The following TMEM179 variants were observed in gnomAD, a reference collection of about 807,000 sequenced individuals.
The protein encoded by TMEM179 is transmembrane protein 179A.
Under a neutral mutation model 22.2 loss-of-function variants are expected in TMEM179, and 17 were observed. That is an observed-to-expected ratio of 0.77 (90% CI 0.52 to 1.15). TMEM179 has a LOEUF of 1.15. Among genes scored for constraint, TMEM179 ranks in the 50% most tolerant of loss-of-function variants. The pLI is 0.00. For synonymous variants in TMEM179, 127 were observed against 140.5 expected, an observed-to-expected ratio of 0.90 and a Z score of 0.68; for missense variants, 265 against 313.6, an observed-to-expected ratio of 0.84 and a Z score of 1.17.
chr14:104,604,539 G>A lies in TMEM179; in HGVS notation c.203C>T (p.Pro68Leu). The change falls in exon 1 of 4, where the codon CCG becomes CTG. Residue 68 changes from proline (P) to leucine (L), a missense_variant. Transcript: ENST00000556573. The surrounding 1 kb of genome is among the most constrained non-coding windows in gnomAD (Gnocchi z 4.6). Reference protein sequence around the residue: ...ERFTVQEWGPPAACRFSLLAS... With the variant: ...ERFTVQEWGPLAACRFSLLAS... Reference sequence around the variant, plus strand: ...GAGCAGGCTGAAGCGGCAGGCGGCCGGCGGGCCCCACTCCTGCACCGTGAA... The same window carrying A: ...GAGCAGGCTGAAGCGGCAGGCGGCCAGCGGGCCCCACTCCTGCACCGTGAA... The A allele has an allele frequency of 1.9e-6, 3 of 1,538,700 alleles. No homozygotes were observed. The highest frequency in any genetic ancestry group is 2.6e-6 in the Non-Finnish European group (3 of 1,145,852).
chr14:104,602,215 G>A (rs531913499), intron 1 of TMEM179, among the ~76,000 whole-genome samples: 4 of 152,332 alleles, frequency 2.6e-5, no homozygotes, highest in Non-Finnish European at 4.4e-5. Context: ...TACCCTGTGC[G>A]ACCTGGACTC....
In TMEM179 at chr14:104,604,105, G is replaced by A. The variant is rs559161943; in HGVS notation, c.305+332C>T. Among the ~76,000 whole-genome samples the A allele has an allele frequency of 6.6e-5, 10 of 152,344 alleles. No individual in the cohort carries two copies. The South Asian group carries it at 1.9e-3, about 28-fold the overall frequency. On this transcript the variant is annotated intron_variant, in intron 1 of 3. Transcript: ENST00000556573. This position sits in a 1 kb window ranked among gnomAD's most constrained non-coding sequence, Gnocchi z 4.6. ...TCGCCGGTCCTGGCGAGTGTGGCCC[G>A]GCTGAGCCCGCCCAGGAAGGTCCAG...
chr14:104,600,865 C>T (rs1887213731), intron 1 of TMEM179, among the ~76,000 whole-genome samples: 1 of 152,194 alleles, frequency 6.6e-6, no homozygotes, highest in Non-Finnish European at 1.5e-5. Context: ...CAGGCCTTGC[C>T]CTCACACTGG....
At chr14:104,603,984 T>C (rs1887329914) in intron 1 of TMEM179, among the ~76,000 whole-genome samples, 1 of 152,194 alleles carries the variant, frequency 6.6e-6, no homozygotes, top group South Asian at 2.1e-4. Context: ...CTGCCGTCCC[T>C]TTCCCGGGGC....
In TMEM179 at chr14:104,595,197, A is replaced by G; in HGVS notation, c.490T>C (p.Ser164Pro). The G allele has an allele frequency of 6.2e-7, 1 of 1,613,634 alleles. No homozygotes were observed. Among genetic ancestry groups the G allele is most frequent in the Non-Finnish European group, 8.5e-7 (1 of 1,179,960 alleles). Reference sequence around the variant, plus strand: ...ATTGCAAACTGATCGTAGAAGGCGGAGTTGTCCACGCCCAGCTCCAAGTCG... The same window carrying G: ...ATTGCAAACTGATCGTAGAAGGCGGGGTTGTCCACGCCCAGCTCCAAGTCG... ...DIDLELGVDN[S>P]AFYDQFAIAQ... is the part of the protein sequence containing the mutation. The change falls in exon 3 of 4, where the codon TCC becomes CCC. Residue 164 changes from serine to proline, a missense_variant. By Grantham distance (74) the Ser-to-Pro change is moderately conservative. Transcript: ENST00000556573. The surrounding 1 kb of genome is among the most constrained non-coding windows in gnomAD (Gnocchi z 5.7).
intron 1 of TMEM179, among the ~76,000 whole-genome samples, chr14:104,602,857 G>A (rs1018094495): frequency 7.2e-5 from 11 of 152,214 alleles, no homozygotes; most frequent in African/African-American, 1.7e-4. Context: ...GGTGTCCCCC[G>A]AAAGATATGC....
chr14:104,594,837 C>T (rs2140481671), intron 3 of TMEM179: 2 of 1,305,400 alleles, frequency 1.5e-6, no homozygotes, highest in South Asian at 3.9e-5. Flanking sequence ...ACACTGGACC[C>T]CCAGGATCTG....
At position 104,593,070 on chromosome 14, in the gene TMEM179, TC is replaced by T. The variant is rs1886895216; in HGVS notation, c.*408del. The T allele has an allele frequency of 4.9e-6, 1 of 202,328 alleles. No individual in the cohort carries two copies. The allele number at this position is 202,328 out of a possible 1,614,324, so 12.5% of individuals were successfully genotyped here. ...ATGGCAGAATTCATGCAGAATTCGT[TC>T]AGGGCTAAGTGACATCTGGCCACCC... On this transcript the variant is annotated 3_prime_UTR_variant, in exon 4 of 4. Transcript: ENST00000556573.
intron 3 of TMEM179, chr14:104,594,314 G>A: frequency 1.6e-6 from 2 of 1,231,296 alleles, no homozygotes; most frequent in Non-Finnish European, 2.0e-6. Flanking sequence ...CCCTTGGAGG[G>A]CTCCTGGCCA....
rs1887003084 is a variant in TMEM179 at position 104,595,803 on chromosome 14, T to C, written c.444-560A>G. 6.6e-6 allele frequency among the ~76,000 whole-genome samples: 1 copy of C among 151,922 alleles called. No individual in the cohort carries two copies. The highest frequency in any genetic ancestry group is 2.1e-4 in the South Asian group (1 of 4,812). The stretch of plus-strand genomic sequence containing the variant: ...CAGTGGGCATCAGAGGGCCCAGGAG[T>C]GAGCCAGGCCTGGGCTCCCGGTAGG... On this transcript the variant is annotated intron_variant, in intron 2 of 3. Transcript: ENST00000556573. This position sits in a 1 kb window ranked among gnomAD's most constrained non-coding sequence, Gnocchi z 5.7.
At position 104,593,043 on chromosome 14, in the gene TMEM179, G is replaced by A. The variant is rs1460935648; in HGVS notation, c.*436C>T. On this transcript the variant is annotated 3_prime_UTR_variant, in exon 4 of 4. Transcript: ENST00000556573. ...TCCTCCCCACACGCAGCCTCTGCCTGGATGGCAGAATTCATGCAGAATTCG... is the reference window on the plus strand; with the variant it reads ...TCCTCCCCACACGCAGCCTCTGCCTAGATGGCAGAATTCATGCAGAATTCG... The A allele has an allele frequency of 1.1e-5, 2 of 173,920 alleles. No individual in the cohort carries two copies. Among genetic ancestry groups the A allele is most frequent in the Non-Finnish European group, 2.4e-5 (2 of 82,096 alleles). 10.8% of individuals were successfully genotyped at this position (173,920 alleles called of 1,614,324 possible). A position where few individuals can be genotyped will look rare whatever the true frequency, so the allele number is the denominator to read the frequency against.
chr14:104,594,731 CA>C (rs2140481483), intron 3 of TMEM179: 1 of 1,147,714 alleles, frequency 8.7e-7, no homozygotes, highest in South Asian at 4.4e-5. Flanking sequence ...GACTCTGTAT[CA>C]GCTTCCCCCT....
Position 104,591,034 on chromosome 14 carries a change from C to A in TMEM179, c.*2445G>T. The A allele has an allele frequency of 4.6e-6, 1 of 219,526 alleles. No homozygotes were observed. The highest frequency in any genetic ancestry group is 9.2e-6 in the Non-Finnish European group (1 of 108,644). 13.6% of individuals were successfully genotyped at this position (219,526 alleles called of 1,614,324 possible). A position where few individuals can be genotyped will look rare whatever the true frequency, so the allele number is the denominator to read the frequency against. On this transcript the variant is annotated 3_prime_UTR_variant, in exon 4 of 4. Coordinates refer to ENST00000556573, the MANE Select transcript of TMEM179 (RefSeq NM_001286389.2). The stretch of plus-strand genomic sequence containing the variant: ...CCACCTTCCTGCCTGGGGAGAGGCC[C>A]AATCCCCTGAGGGACCCTGGAGAGC...
chr14:104,592,470 ACAGG>A lies in TMEM179; in HGVS notation c.*1005_*1008del, dbSNP rs1886879570. On this transcript the variant is annotated 3_prime_UTR_variant, in exon 4 of 4. Coordinates refer to ENST00000556573, the MANE Select transcript of TMEM179 (RefSeq NM_001286389.2). ...CGCACATGCAGTCACACATTCACTC[ACAGG>A]CAGTCACACTCTCATGCACTCAGTC... 1 of 152,496 alleles carries A rather than the reference ACAGG, an allele frequency of 6.6e-6. No individual in the cohort carries two copies. Among genetic ancestry groups the A allele is most frequent in the African/African-American group, 2.5e-5 (1 of 40,762 alleles). 9.4% of individuals were successfully genotyped at this position (152,496 alleles called of 1,614,324 possible). A position where few individuals can be genotyped will look rare whatever the true frequency, so the allele number is the denominator to read the frequency against.
At position 104,604,469 on chromosome 14, in the gene TMEM179, G is replaced by T. The variant is rs1887351543; in HGVS notation, c.273C>A (p.Arg91=). 1 of 1,581,980 alleles carries T rather than the reference G, an allele frequency of 6.3e-7. No individual in the cohort carries two copies. The highest frequency in any genetic ancestry group is 1.1e-5 in the South Asian group (1 of 87,730). Reference sequence around the variant, plus strand: ...GTCCCTTGCAGAGGAAGAAGAGCGTGCGCCAGGCGTGCGCGGCGGCCAGCA... The same window carrying T: ...GTCCCTTGCAGAGGAAGAAGAGCGTTCGCCAGGCGTGCGCGGCGGCCAGCA... ...SLLLAAAHAW[R]TLFFLCKGHE... Residue 91 remains arginine, a synonymous_variant, in exon 1 of 4, where the codon CGC becomes CGA. Transcript: ENST00000556573. This position sits in a 1 kb window ranked among gnomAD's most constrained non-coding sequence, Gnocchi z 4.6.
intron 1 of TMEM179, among the ~76,000 whole-genome samples, chr14:104,598,751 C>T (rs181275332): frequency 5.9e-5 from 9 of 152,340 alleles, no homozygotes; most frequent in Admixed American, 4.6e-4. Context: ...CAGTCCCGGA[C>T]ACACTGTTTT....
At chr14:104,594,174 A>C (rs1886938189) in intron 3 of TMEM179, 1 of 1,232,014 alleles carries the variant, frequency 8.1e-7, no homozygotes, top group African/African-American at 1.6e-5. Context: ...ATCAGACTGC[A>C]CTCACACCTT....
At chr14:104,596,656 G>A (rs111604040) in intron 2 of TMEM179, among the ~76,000 whole-genome samples, 2,800 of 152,284 alleles carry the variant, frequency 0.018, 83 homozygotes, top group African/African-American at 0.059. Context: ...TGCTGCACGG[G>A]ATCTGTCATC....
rs181275332 is a variant in TMEM179 at position 104,598,751 on chromosome 14, C to A, written c.306-1624G>T. On this transcript the variant is annotated intron_variant, in intron 1 of 3. Coordinates refer to ENST00000556573, the MANE Select transcript of TMEM179 (RefSeq NM_001286389.2). ...CCCGTCCACTGGCCCCAGTCCCGGA[C>A]ACACTGTTTTGGTGACTGCTGGGCT... 3.6e-3 allele frequency among the ~76,000 whole-genome samples: 553 copies of A among 152,340 alleles called. 4 individuals carry two copies. The highest frequency in any genetic ancestry group is 0.012 in the African/African-American group (519 of 41,580).
Sources: gnomAD v4.1 joint callset for allele counts (sites outside exome capture counted in the v4.1 genomes callset) on GRCh38, gnomAD v4.1.1 for gene constraint, Gnocchi (gnomAD v3.1) non-coding constraint, MANE v1.5 for transcripts, NCBI Gene and HGNC (gene_info 2026-07-23, HGNC 2026-07-21) for gene names.